The following WDR43 variants were observed in gnomAD, a reference collection of about 807,000 sequenced individuals.
The protein encoded by WDR43 is WD repeat domain 43.
WDR43 carries 13 observed loss-of-function variants against 91.4 expected under a neutral mutation model. The ratio of observed to expected loss-of-function variants is 0.14; its 90% CI spans 0.09 to 0.23. The LOEUF (loss-of-function observed/expected upper bound fraction) is 0.23, where lower values mean the gene tolerates loss of function less well. Ranked by LOEUF, WDR43 falls within the 10% of genes least tolerant of loss-of-function variation. The pLI, the probability that WDR43 is intolerant of heterozygous loss-of-function variation, is 1.00. For synonymous variants in WDR43, 331 were observed against 287.9 expected, an observed-to-expected ratio of 1.15 and a Z score of -1.51; for missense variants, 780 against 809.4, an observed-to-expected ratio of 0.96 and a Z score of 0.44.
intron 2 of WDR43, among the ~76,000 whole-genome samples, chr2:28,903,460 A>C (rs1670615009): frequency 6.6e-6 from 1 of 152,214 alleles, no homozygotes; most frequent in Admixed American, 6.5e-5. Flanking sequence ...AGCCCAACAA[A>C]ACAGCAACAA....
chr2:28,931,291 AG>A (rs1426505787), intron 11 of WDR43, among the ~76,000 whole-genome samples: 7 of 152,136 alleles, frequency 4.6e-5, no homozygotes, highest in Admixed American at 4.6e-4. Context: ...CATGTTGGCC[AG>A]GCTGGTCTTG....
At chr2:28,916,237 A>G (rs1258489897) in intron 5 of WDR43, among the ~76,000 whole-genome samples, 2 of 152,198 alleles carry the variant, frequency 1.3e-5, no homozygotes, top group Non-Finnish European at 2.9e-5. Flanking sequence ...AAGTCTTTAT[A>G]TGGACATGTG....
chr2:28,921,209 C>A (rs1671018362), intron 6 of WDR43, among the ~76,000 whole-genome samples: 1 of 151,392 alleles, frequency 6.6e-6, no homozygotes, highest in African/African-American at 2.4e-5. Context: ...CTCACTGCAA[C>A]CTCTGCCTCC....
At chr2:28,935,747 CAAAAAAAA>C (rs58846266) in intron 12 of WDR43, 140 bp downstream of exon 12, 1,725 of 242,316 alleles carry the variant, frequency 7.1e-3, no homozygotes, top group East Asian at 9.2e-3. Flanking sequence ...GTACTTTAGA[CAAAAAAAA>C]AAAAAAAAAA....
At chr2:28,925,617 G>A (rs530920418) in intron 8 of WDR43, among the ~76,000 whole-genome samples, 2 of 152,174 alleles carry the variant, frequency 1.3e-5, no homozygotes, top group Non-Finnish European at 2.9e-5. Flanking sequence ...AATGGGCAGT[G>A]CAATGATTTA....
intron 11 of WDR43, chr2:28,929,949 C>A: frequency 1.7e-6 from 1 of 583,292 alleles, no homozygotes; most frequent in Non-Finnish European, 3.2e-6. Context: ...AAATACTGTT[C>A]TGAATTATTA....
rs763118310 is a variant in WDR43, at chr2:28,894,887, C to T, written c.189C>T (p.Thr63=). ...VPSAHLSGTC[T]CLAWAPARLQ... ...CCGCGCACCTCAGTGGTACCTGCAC[C>T]TGTCTGGCCTGGGCGCCAGCGCGGC... Residue 63 remains threonine (T), a synonymous_variant, in exon 1 of 18, where the codon ACC becomes ACT. Transcript: ENST00000407426. 1.7e-5 allele frequency: 28 copies of T among 1,604,748 alleles called. No individual in the cohort carries two copies. Among genetic ancestry groups the T allele is most frequent in the Admixed American group, 3.4e-5 (2 of 58,666 alleles).
Position 28,935,589 on chromosome 2 carries a change from T to C in WDR43, c.1506T>C (p.Ile502=). The C allele has an allele frequency of 6.3e-7, 1 of 1,591,990 alleles. No individual in the cohort carries two copies. The highest frequency in any genetic ancestry group is 1.8e-5 in the Admixed American group (1 of 56,696). Residue 502 remains isoleucine, a synonymous_variant, in exon 12 of 18, where the codon ATT becomes ATC. Coordinates refer to ENST00000407426, the MANE Select transcript of WDR43 (RefSeq NM_015131.3). ...TATTAAGGATGCCCCTGCATACTAT[T>C]ATTCCGTTGTTACAAGAGGTAACTG... ...KTVLRMPLHT[I]IPLLQELTKR...
intron 1 of WDR43, among the ~76,000 whole-genome samples, chr2:28,900,552 A>G (rs922651431): frequency 1.3e-5 from 2 of 152,000 alleles, no homozygotes; most frequent in African/African-American, 2.4e-5. Context: ...ACTTCCCCCA[A>G]CTCTCCTTGC....
Position 28,906,666 on chromosome 2 carries a change from T to C in WDR43, c.485+85T>C. The C allele has an allele frequency of 2.8e-6, 4 of 1,433,342 alleles. No individual in the cohort carries two copies. The South Asian group carries it at 6.1e-5, about 22-fold the overall frequency. The allele number at this position is 1,433,342 out of a possible 1,614,324, so 88.8% of individuals were successfully genotyped here. A position where few individuals can be genotyped will look rare whatever the true frequency, so the allele number is the denominator to read the frequency against. ...GGGAATGCAGACATTAATAAGGTTA[T>C]AGGTTCCATTTACAAAGAACTTTTA... On this transcript the variant is annotated intron_variant, in intron 3 of 17. Coordinates refer to ENST00000407426, the MANE Select transcript of WDR43 (RefSeq NM_015131.3).
intron 10 of WDR43, 140 bp downstream of exon 10, chr2:28,927,840 C>T (rs1572596963): frequency 5.3e-6 from 6 of 1,133,062 alleles, no homozygotes; most frequent in Non-Finnish European, 7.3e-6. Flanking sequence ...CTTTTATCTT[C>T]ACCATCATAG....
At chr2:28,897,839 C>T (rs1416387777) in intron 1 of WDR43, among the ~76,000 whole-genome samples, 1 of 152,114 alleles carries the variant, frequency 6.6e-6, no homozygotes, top group Non-Finnish European at 1.5e-5. Context: ...TGCATTCGTG[C>T]CACAATAGTT....
intron 11 of WDR43, chr2:28,930,016 A>G (rs1671211805): frequency 2.0e-6 from 1 of 512,124 alleles, no homozygotes; most frequent in African/African-American, 1.9e-5. Flanking sequence ...CTGAATGATA[A>G]TACTCAGCAT....
intron 1 of WDR43, 119 bp from the exon 2 acceptor site, chr2:28,901,851 GTAAATCACCCAATAGCT>G (rs961221599): frequency 1.2e-6 from 1 of 848,844 alleles, no homozygotes; most frequent in Non-Finnish European, 1.7e-6. Context: ...GTAGTGAGAA[GTAAATCACCCAATAGCT>G]TCTCTCTTCC....
chr2:28,917,812 C>A (rs1208632720), intron 5 of WDR43, 81 bp from the exon 6 acceptor site: 13 of 1,223,258 alleles, frequency 1.1e-5, no homozygotes, highest in Non-Finnish European at 1.3e-5. Flanking sequence ...GTGCTGATCT[C>A]CATGCCTCCT....
At chr2:28,936,631 A>G (rs1572602003) in intron 12 of WDR43, among the ~76,000 whole-genome samples, 4 of 152,176 alleles carry the variant, frequency 2.6e-5, no homozygotes, top group Admixed American at 2.6e-4. Context: ...TCCTTTATCT[A>G]TTAGCAGTCA....
intron 8 of WDR43, 143 bp from the exon 9 acceptor site, chr2:28,926,325 G>A (rs531606885): frequency 1.7e-6 from 1 of 603,916 alleles, no homozygotes; most frequent in African/African-American, 1.8e-5. Flanking sequence ...GAGTGTGGAA[G>A]TCTTCCATAC....
Position 28,894,848 on chromosome 2 carries a change from G to A in WDR43, c.150G>A (p.Gln50=). 1 of 1,611,098 alleles carries A rather than the reference G, an allele frequency of 6.2e-7. No individual in the cohort carries two copies. Among genetic ancestry groups the A allele is most frequent in the Non-Finnish European group, 8.5e-7 (1 of 1,178,820 alleles). ...VWETANNRLH[Q]EYVPSAHLSG... ...AGACGGCCAACAACCGGCTGCACCA[G>A]GAGTACGTGCCTTCCGCGCACCTCA... The change falls in exon 1 of 18, where the codon CAG becomes CAA. Residue 50 remains glutamine (Q), a synonymous_variant. Transcript: ENST00000407426.
Position 28,927,591 on chromosome 2 carries a change from C to G in WDR43, c.1196C>G (p.Ser399Cys). The G allele has an allele frequency of 1.2e-6, 2 of 1,613,800 alleles. No homozygotes were observed. The highest frequency in any genetic ancestry group is 1.7e-6 in the Non-Finnish European group (2 of 1,179,842). The change falls in exon 10 of 18, where the codon TCT (serine) becomes TGT (cysteine). Residue 399 changes from serine (S) to cysteine (C), a missense_variant. Physicochemically the swap from Ser to Cys is moderately radical, Grantham distance 112. Coordinates refer to ENST00000407426, the MANE Select transcript of WDR43 (RefSeq NM_015131.3). Reference sequence around the variant, plus strand: ...CAGGTGAGGACACCAGTGATGAATTCTGAAGCAAAAGTTCTGGTGCCTGGG... The same window carrying G: ...CAGGTGAGGACACCAGTGATGAATTGTGAAGCAAAAGTTCTGGTGCCTGGG... ...ITKVRTPVMNSEAKVLVPGIP... is the reference protein window; with the variant it reads ...ITKVRTPVMNCEAKVLVPGIP...
Sources: allele counts gnomAD v4.1 joint callset (sites outside exome capture counted in the v4.1 genomes callset), GRCh38; gene constraint gnomAD v4.1.1; transcripts MANE v1.5; gene names NCBI Gene and HGNC (gene_info 2026-07-23, HGNC 2026-07-21).